Variants in SBNO2 observed in about 807,000 individuals in gnomAD.
SBNO2 encodes the protein strawberry notch homolog 2.
In SBNO2, 89 loss-of-function variants were observed where a neutral mutation model predicts 146.3. The observed-to-expected ratio is 0.61, with a 90% CI of 0.51 to 0.73. The LOEUF (loss-of-function observed/expected upper bound fraction) is 0.73, where lower values mean the gene tolerates loss of function less well. SBNO2 is among the 30% of genes least tolerant of loss of function. SBNO2 has a pLI of 0.00. For missense variants in SBNO2, 2,092 were observed against 2,003.7 expected (o/e 1.04, Z -0.84); for synonymous variants, 1,147 against 892.6 (o/e 1.29, Z -5.08).
chr19:1,123,539 G>A lies in SBNO2; in HGVS notation c.623C>T (p.Ser208Phe), dbSNP rs1285549365. 1 of 1,613,088 alleles carries A rather than the reference G, an allele frequency of 6.2e-7. No individual in the cohort carries two copies. The highest frequency in any genetic ancestry group is 8.5e-7 in the Non-Finnish European group (1 of 1,179,586). Residue 208 changes from serine to phenylalanine, a missense_variant, in exon 7 of 32, where the codon TCC becomes TTC. Ser to Phe is a radical substitution (Grantham distance 155, BLOSUM62 -2). Transcript: ENST00000361757. ...HTETYADYVP[S>F]KSKIGKQHPD... ...GGTGCAGCCGGGCCACTCACACTTG[G>A]ACGGCACGTAGTCGGCGTAGGTCTC...
At position 1,122,465 on chromosome 19, in the gene SBNO2, T is replaced by C. The variant is rs2145224432; in HGVS notation, c.1005+3A>G. 6.4e-7 allele frequency: 1 copy of C among 1,569,470 alleles called. No homozygotes were observed. The highest frequency in any genetic ancestry group is 8.6e-7 in the Non-Finnish European group (1 of 1,159,350). ...CCCCTACTTTGCCGAGCACAGCCCCTACCTTGCTGAGCGCGTGCACCGCGA... is the reference window on the plus strand; with the variant it reads ...CCCCTACTTTGCCGAGCACAGCCCCCACCTTGCTGAGCGCGTGCACCGCGA... On this transcript the variant is annotated splice_donor_region_variant and intron_variant, in intron 10 of 31. Transcript: ENST00000361757.
At position 1,109,622 on chromosome 19, in the gene SBNO2, GT is replaced by G; in HGVS notation, c.3124-25del. 2 of 1,558,036 alleles carry G rather than the reference GT, an allele frequency of 1.3e-6. No individual in the cohort carries two copies. The highest frequency in any genetic ancestry group is 1.9e-5 in the Admixed American group (1 of 53,642). On this transcript the variant is annotated intron_variant, in intron 27 of 31. Transcript: ENST00000361757. This position sits in a 1 kb window ranked among gnomAD's most constrained non-coding sequence, Gnocchi z 4.2. ...ATCTGCCACGGCACGGGGTGGGGGG[GT>G]GTGAGTGTGGTGGGGGCGGGGTGGG...
At position 1,140,340 on chromosome 19, in the gene SBNO2, C is replaced by G. The variant is rs1005576912; in HGVS notation, c.279+6969G>C. ...GCAGCAGCAACACAGAGCCACGTGT[C>G]CACAGAACCACGGTTCACCTGCACA... On this transcript the variant is annotated intron_variant, in intron 4 of 31. Transcript: ENST00000361757. This position sits in a 1 kb window ranked among gnomAD's most constrained non-coding sequence, Gnocchi z 4.4. 6.6e-6 allele frequency among the ~76,000 whole-genome samples: 1 copy of G among 151,992 alleles called. No individual in the cohort carries two copies.
rs1179111420 is a variant in SBNO2, at chr19:1,108,599, G to A, written c.3722C>T (p.Pro1241Leu). 8 of 1,326,430 alleles carry A rather than the reference G, an allele frequency of 6.0e-6. No homozygotes were observed. The highest frequency in any genetic ancestry group is 1.8e-5 in the South Asian group (1 of 56,632). The allele number at this position is 1,326,430 out of a possible 1,614,324, so 82.2% of individuals were successfully genotyped here. A position where few individuals can be genotyped will look rare whatever the true frequency, so the allele number is the denominator to read the frequency against. Residue 1241 changes from proline (P) to leucine (L), a missense_variant, in exon 32 of 32, where the codon CCG (proline) becomes CTG (leucine). By Grantham distance (98) the Pro-to-Leu change is moderately conservative. Transcript: ENST00000361757. ...CAGCGCCAGCGGGCGCGGGGCGGGC[G>A]GGGCGGGGCAGCCCAGGGCGGGCGC... ...RQAPALGCPA[P>L]PAPRPLALPC...
In SBNO2 at chr19:1,108,593, G is replaced by T; in HGVS notation, c.3728C>A (p.Ala1243Asp). Residue 1243 changes from alanine (A) to aspartate (D), a missense_variant, in exon 32 of 32, where the codon GCC becomes GAC. Transcript: ENST00000361757. Reference protein sequence around the residue: ...APALGCPAPPAPRPLALPCGP... With the variant: ...APALGCPAPPDPRPLALPCGP... The stretch of plus-strand genomic sequence containing the variant: ...GCAAGGCAGCGCCAGCGGGCGCGGG[G>T]CGGGCGGGGCGGGGCAGCCCAGGGC... 1 of 1,308,152 alleles carries T rather than the reference G, an allele frequency of 7.6e-7. No individual in the cohort carries two copies. Among genetic ancestry groups the T allele is most frequent in the Non-Finnish European group, 9.7e-7 (1 of 1,033,916 alleles). 81.0% of individuals were successfully genotyped at this position (1,308,152 alleles called of 1,614,324 possible).
At chr19:1,122,616 C>T (rs2079915712) in intron 9 of SBNO2, 42 bp downstream of exon 9, 1 of 1,504,154 alleles carries the variant, frequency 6.6e-7, no homozygotes, top group East Asian at 2.5e-5. Context: ...CGCTTCCGCC[C>T]CCCACCCCCG....
At chr19:1,118,697 C>T (rs3826960) in intron 14 of SBNO2, among the ~76,000 whole-genome samples, 89,831 of 152,036 alleles carry the variant, frequency 0.59, 27,205 homozygotes, top group African/African-American at 0.74. Flanking sequence ...GGAGAAACAC[C>T]GTTCTCTACC....
In SBNO2 at chr19:1,144,482, A is replaced by G. The variant is rs1376124202; in HGVS notation, c.279+2827T>C. Among the ~76,000 whole-genome samples the G allele has an allele frequency of 1.3e-5, 2 of 152,190 alleles. No homozygotes were observed. The highest frequency in any genetic ancestry group is 4.8e-5 in the African/African-American group (2 of 41,440). ...TCCGGGCTGAACAGATGCAGCAGCA[A>G]TTGTTCAGGAGGGGAGGAGCAGGAG... On this transcript the variant is annotated intron_variant, in intron 4 of 31. Coordinates refer to ENST00000361757, the MANE Select transcript of SBNO2 (RefSeq NM_014963.3). This position sits in a 1 kb window ranked among gnomAD's most constrained non-coding sequence, Gnocchi z 4.1.
chr19:1,141,746 C>G (rs1339942298), intron 4 of SBNO2, among the ~76,000 whole-genome samples: 2 of 152,030 alleles, frequency 1.3e-5, no homozygotes, highest in Non-Finnish European at 2.9e-5. Context: ...TAGATGGGAC[C>G]CAAATACTGG....
At position 1,173,445 on chromosome 19, in the gene SBNO2, G is replaced by A. The variant is rs908620521; in HGVS notation, c.-127+727C>T. Among the ~76,000 whole-genome samples, 10 of 152,210 alleles carry A rather than the reference G, an allele frequency of 6.6e-5. No individual in the cohort carries two copies. Among genetic ancestry groups the A allele is most frequent in the African/African-American group, 2.4e-4 (10 of 41,446 alleles). On this transcript the variant is annotated intron_variant, in intron 1 of 31. Coordinates refer to ENST00000361757, the MANE Select transcript of SBNO2 (RefSeq NM_014963.3). The surrounding 1 kb of genome is among the most constrained non-coding windows in gnomAD (Gnocchi z 4.7). Reference sequence around the variant, plus strand: ...CCATCCCAAACCGGGGGACCTCCATGCAGAAACCGAAAAACCATCTGCCCC... The same window carrying A: ...CCATCCCAAACCGGGGGACCTCCATACAGAAACCGAAAAACCATCTGCCCC...
rs560286948 is a variant in SBNO2 at position 1,139,544 on chromosome 19, C to T, written c.279+7765G>A. Among the ~76,000 whole-genome samples the T allele has an allele frequency of 5.9e-4, 90 of 152,232 alleles. 1 individual carries two copies. The highest frequency in any genetic ancestry group is 2.0e-3 in the African/African-American group (84 of 41,532). On this transcript the variant is annotated intron_variant, in intron 4 of 31. Transcript: ENST00000361757. Reference sequence around the variant, plus strand: ...GCGTGGTGGCTCGCACCTGTAATCCCGACACTTTGGGAGGCCGAGGCGGAT... The same window carrying T: ...GCGTGGTGGCTCGCACCTGTAATCCTGACACTTTGGGAGGCCGAGGCGGAT...
At position 1,126,261 on chromosome 19, in the gene SBNO2, G is replaced by C. The variant is rs989485170; in HGVS notation, c.441+1343C>G. ...GAAGGTTAGAAACCTATACTCAGTTGCCCTCTCCTTTTTTTTTTAAGTTAA... is the reference window on the plus strand; with the variant it reads ...GAAGGTTAGAAACCTATACTCAGTTCCCCTCTCCTTTTTTTTTTAAGTTAA... On this transcript the variant is annotated intron_variant, in intron 5 of 31. Coordinates refer to ENST00000361757, the MANE Select transcript of SBNO2 (RefSeq NM_014963.3). This position sits in a 1 kb window ranked among gnomAD's most constrained non-coding sequence, Gnocchi z 4.4. 6.6e-6 allele frequency among the ~76,000 whole-genome samples: 1 copy of C among 152,092 alleles called. No individual in the cohort carries two copies. The highest frequency in any genetic ancestry group is 1.5e-5 in the Non-Finnish European group (1 of 68,020).
At chr19:1,164,888 CAGGAGG>C (rs1247621327) in intron 1 of SBNO2, among the ~76,000 whole-genome samples, 17 of 1,758 alleles carry the variant, frequency 9.7e-3, no homozygotes, top group African/African-American at 0.026. Context: ...GGAGGAGGAA[CAGGAGG>C]AGGAGGAGGA....
Position 1,119,685 on chromosome 19 carries a change from G to A in SBNO2, c.1268-64C>T, listed in dbSNP as rs1000731660. 21 of 1,400,088 alleles carry A rather than the reference G, an allele frequency of 1.5e-5. No individual in the cohort carries two copies. In the East Asian group the frequency reaches 1.7e-4, roughly 11 times the overall value. The allele number at this position is 1,400,088 out of a possible 1,614,324, so 86.7% of individuals were successfully genotyped here. ...GGGCCCAGAGGCCGCGTCAGGGGACGACTAAGTTGGGACCACCCGACGAGG... is the reference window on the plus strand; with the variant it reads ...GGGCCCAGAGGCCGCGTCAGGGGACAACTAAGTTGGGACCACCCGACGAGG... On this transcript the variant is annotated intron_variant, in intron 12 of 31. Transcript: ENST00000361757.
intron 2 of SBNO2, among the ~76,000 whole-genome samples, chr19:1,153,599 G>A (rs1032469832): frequency 4.6e-5 from 7 of 151,618 alleles, no homozygotes; most frequent in African/African-American, 1.7e-4. Flanking sequence ...GTTCAGTGGC[G>A]CCGTCTCCAC....
intron 11 of SBNO2, among the ~76,000 whole-genome samples, chr19:1,120,388 A>T (rs79602934): frequency 6.6e-6 from 1 of 152,146 alleles, no homozygotes; most frequent in East Asian, 1.9e-4. Context: ...TTTTTTTGAG[A>T]CAGGGTCTTG....
intron 1 of SBNO2, among the ~76,000 whole-genome samples, chr19:1,155,292 C>G (rs1216574026): frequency 6.6e-6 from 1 of 152,224 alleles, no homozygotes; most frequent in Non-Finnish European, 1.5e-5. Context: ...GGGAGAGGCA[C>G]GTCTCTGCCC....
chr19:1,122,599 C>CCCCCCCCCCA, intron 9 of SBNO2, 41 bp from the exon 10 acceptor site: 1 of 1,316,102 alleles, frequency 7.6e-7, no homozygotes, highest in Non-Finnish European at 1.0e-6. Flanking sequence ...CCTTCCCCCT[C>CCCCCCCCCCA]GCCCCCCGCT....
In SBNO2 at chr19:1,150,458, G is replaced by A. The variant is rs1053855776; in HGVS notation, c.94-1016C>T. ...CCGTCACAGACGCCCCCACAGTCACGGGGGAGACCCTGCCGTCACGGATGC... is the reference window on the plus strand; with the variant it reads ...CCGTCACAGACGCCCCCACAGTCACAGGGGAGACCCTGCCGTCACGGATGC... On this transcript the variant is annotated intron_variant, in intron 2 of 31. Transcript: ENST00000361757. This position sits in a 1 kb window ranked among gnomAD's most constrained non-coding sequence, Gnocchi z 6.2. Among the ~76,000 whole-genome samples, 4 of 151,392 alleles carry A rather than the reference G, an allele frequency of 2.6e-5. No individual in the cohort carries two copies. The highest frequency in any genetic ancestry group is 4.4e-5 in the Non-Finnish European group (3 of 67,880).
Sources: allele counts gnomAD v4.1 joint callset (sites outside exome capture counted in the v4.1 genomes callset), GRCh38; gene constraint gnomAD v4.1.1; non-coding constraint Gnocchi (gnomAD v3.1); transcripts MANE v1.5; gene names NCBI Gene and HGNC (gene_info 2026-07-23, HGNC 2026-07-21).